The following MYOF variants were observed in gnomAD, a reference collection of about 807,000 sequenced individuals.
MYOF encodes myoferlin.
Under a neutral mutation model 284.2 loss-of-function variants are expected in MYOF, and 244 were observed. The ratio of observed to expected loss-of-function variants is 0.86; its 90% CI spans 0.77 to 0.95. The LOEUF (loss-of-function observed/expected upper bound fraction) is 0.95. Ranked by LOEUF, MYOF falls within the 40% of genes least tolerant of loss-of-function variation. The pLI, the probability that MYOF is intolerant of heterozygous loss-of-function variation, is 0.00. For missense variants in MYOF, 2,496 were observed against 2,560.6 expected (o/e 0.97, Z 0.54); for synonymous variants, 904 against 919.7 (o/e 0.98, Z 0.31).
intron 5 of MYOF, among the ~76,000 whole-genome samples, chr10:93,414,307 C>T (rs939685815): frequency 2.6e-5 from 4 of 152,076 alleles, no homozygotes; most frequent in Non-Finnish European, 4.4e-5. Context: ...GAGGCTGAGG[C>T]GGGTGGATCA....
intron 7 of MYOF, 143 bp from the exon 8 acceptor site, chr10:93,404,362 G>C: frequency 1.3e-6 from 1 of 785,630 alleles, no homozygotes; most frequent in Non-Finnish European, 2.1e-6. Context: ...ACATGGCAAG[G>C]CCTGGAGTTT....
Position 93,335,948 on chromosome 10 carries a change from T to G in MYOF, c.4536A>C (p.Glu1512Asp). 1 of 1,614,210 alleles carries G rather than the reference T, an allele frequency of 6.2e-7. No individual in the cohort carries two copies. Among genetic ancestry groups the G allele is most frequent in the Non-Finnish European group, 8.5e-7 (1 of 1,180,040 alleles). ...KLYRGKSDEN[E>D]DPSVVGEFKG... is the part of the protein sequence containing the mutation. The stretch of plus-strand genomic sequence containing the variant: ...TAAACTCTCCAACCACAGAAGGATC[T>G]TCATTTTCATCCGACTTGCCTCGGT... Residue 1512 changes from glutamate (E) to aspartate (D), a missense_variant, in exon 41 of 54, where the codon GAA (glutamate) becomes GAC (aspartate). Glu to Asp is a conservative substitution (Grantham distance 45). Transcript: ENST00000359263.
At chr10:93,370,311 CTAATTT>C (rs1048361990) in intron 24 of MYOF, among the ~76,000 whole-genome samples, 2 of 108,262 alleles carry the variant, frequency 1.8e-5, no homozygotes, top group African/African-American at 1.1e-4. Flanking sequence ...GTAATGATTA[CTAATTT>C]TTTTTTTTTT....
Position 93,351,756 on chromosome 10 carries a change from A to G in MYOF, c.3572T>C (p.Ile1191Thr), listed in dbSNP as rs1333977636. ...TLNPTWDQTI[I>T]FDEVEIYGEP... The stretch of plus-strand genomic sequence containing the variant: ...CCCATAGATTTCAACTTCATCGAAT[A>G]TAATTGTTTGGTCCCACGTGGGATT... Residue 1191 changes from isoleucine (I) to threonine (T), a missense_variant, in exon 33 of 54, where the codon ATA (isoleucine) becomes ACA (threonine). Physicochemically the swap from Ile to Thr is moderately conservative, Grantham distance 89. Coordinates refer to ENST00000359263, the MANE Select transcript of MYOF (RefSeq NM_013451.4). 3.7e-6 allele frequency: 6 copies of G among 1,600,632 alleles called. No homozygotes were observed. Among genetic ancestry groups the G allele is most frequent in the Non-Finnish European group, 3.4e-6 (4 of 1,176,908 alleles).
intron 1 of MYOF, among the ~76,000 whole-genome samples, chr10:93,477,251 G>A (rs1429874178): frequency 6.6e-6 from 1 of 152,122 alleles, no homozygotes; most frequent in Non-Finnish European, 1.5e-5. Flanking sequence ...CAGCACTTTG[G>A]GAGGCCGAGG....
chr10:93,333,816 G>C lies in MYOF; in HGVS notation c.4661C>G (p.Thr1554Arg). ...ELPDSVPQECTVRIYIVRGLE... is the reference protein window; with the variant it reads ...ELPDSVPQECRVRIYIVRGLE... Reference sequence around the variant, plus strand: ...GCCTCGAACAATGTAAATCCTAACCGTGCATTCCTGTGGGACGCTGTCAGG... The same window carrying C: ...GCCTCGAACAATGTAAATCCTAACCCTGCATTCCTGTGGGACGCTGTCAGG... The change falls in exon 42 of 54, where the codon ACG becomes AGG. Residue 1554 changes from threonine to arginine, a missense_variant. By Grantham distance (71) the Thr-to-Arg change is moderately conservative. Coordinates refer to ENST00000359263, the MANE Select transcript of MYOF (RefSeq NM_013451.4). The C allele has an allele frequency of 1.9e-6, 3 of 1,614,082 alleles. No individual in the cohort carries two copies. The highest frequency in any genetic ancestry group is 2.5e-6 in the Non-Finnish European group (3 of 1,180,010).
At chr10:93,413,915 C>A (rs1324381463) in intron 5 of MYOF, among the ~76,000 whole-genome samples, 1 of 152,018 alleles carries the variant, frequency 6.6e-6, no homozygotes. Flanking sequence ...ACCATCTGAG[C>A]CCAGGAGGTC....
chr10:93,391,437 C>CA (rs1051900089), intron 17 of MYOF, among the ~76,000 whole-genome samples: 32 of 151,618 alleles, frequency 2.1e-4, no homozygotes, highest in Admixed American at 3.9e-4. Flanking sequence ...ACTAAAAACA[C>CA]AAAAAAAATT....
chr10:93,323,349 G>GAAGT lies in MYOF; in HGVS notation c.5277_5280dup (p.Gln1761ThrfsTer55). ...TTGGGGAAAACATCCACCCACATCT[G>GAAGT]AAGTTTTCCCTAAACCATTTGAAAA... On this transcript the variant is annotated frameshift_variant, in exon 47 of 54. Transcript: ENST00000359263. LOFTEE classifies it high-confidence loss of function. The GAAGT allele has an allele frequency of 1.9e-6, 3 of 1,611,142 alleles. No individual in the cohort carries two copies. Among genetic ancestry groups the GAAGT allele is most frequent in the South Asian group, 1.1e-5 (1 of 90,950 alleles).
intron 44 of MYOF, 110 bp from the exon 45 acceptor site, chr10:93,329,021 A>G: frequency 9.4e-7 from 1 of 1,068,732 alleles, no homozygotes; most frequent in African/African-American, 1.6e-5. Flanking sequence ...GTGGGTGCAG[A>G]AAATCTGCGC....
chr10:93,347,826 G>A (rs374828512), intron 36 of MYOF, 44 bp from the exon 37 acceptor site: 65 of 1,572,778 alleles, frequency 4.1e-5, no homozygotes, highest in Non-Finnish European at 5.5e-5. Flanking sequence ...GACCAGACGA[G>A]GGCAGCTTTG....
At chr10:93,308,743 ACTT>A (rs1399655857) in intron 53 of MYOF, among the ~76,000 whole-genome samples, 1 of 151,682 alleles carries the variant, frequency 6.6e-6, no homozygotes, top group Admixed American at 6.6e-5. Context: ...ACAGAGTCTC[ACTT>A]CTTCATCCAG....
intron 5 of MYOF, among the ~76,000 whole-genome samples, chr10:93,422,281 G>A (rs934978877): frequency 1.3e-5 from 2 of 152,196 alleles, no homozygotes; most frequent in African/African-American, 2.4e-5. Flanking sequence ...TCTTAGCTGA[G>A]CAAAGTCAGG....
At chr10:93,333,130 A>G in intron 43 of MYOF, 91 bp downstream of exon 43, 1 of 1,052,962 alleles carries the variant, frequency 9.5e-7, no homozygotes, top group South Asian at 1.3e-5. Context: ...ACAGTTTCAG[A>G]GCCTAGGACA....
In MYOF at chr10:93,323,161, A is replaced by C. The variant is rs368272607; in HGVS notation, c.5373T>G (p.Arg1791=). 2.1e-4 allele frequency: 345 copies of C among 1,614,110 alleles called. 2 individuals are homozygous for C. In the South Asian group the frequency reaches 3.5e-3, roughly 16 times the overall value. The change falls in exon 48 of 54, where the codon CGT becomes CGG. Residue 1791 remains arginine (R), a synonymous_variant. Coordinates refer to ENST00000359263, the MANE Select transcript of MYOF (RefSeq NM_013451.4). The stretch of plus-strand genomic sequence containing the variant: ...CGTCCTTGGTGTTCCAGATGATCAC[A>C]CGCAGGTAGTATCTGCAAGAAGCAC... ...TPRKAKKYYL[R]VIIWNTKDVI...
rs536124742 is a variant in MYOF, at chr10:93,349,733, T to TTGTG, written c.4083+71_4083+74dup. The TTGTG allele has an allele frequency of 9.0e-6, 13 of 1,439,716 alleles. No individual in the cohort carries two copies. In the East Asian group the frequency reaches 9.3e-5, roughly 10 times the overall value. 89.2% of individuals were successfully genotyped at this position (1,439,716 alleles called of 1,614,324 possible). ...CAGGTTTTGGAAATAAACTCTGTGTTTGTGTGTGTGTGTGTGAGGCACATA... is the reference window on the plus strand; with the variant it reads ...CAGGTTTTGGAAATAAACTCTGTGTTTGTGTGTGTGTGTGTGTGTGAGGCACATA... On this transcript the variant is annotated intron_variant, in intron 36 of 53. Coordinates refer to ENST00000359263, the MANE Select transcript of MYOF (RefSeq NM_013451.4).
chr10:93,401,028 A>AT (rs199873918), intron 12 of MYOF, among the ~76,000 whole-genome samples: 7,704 of 148,656 alleles, frequency 0.052, 228 homozygotes, highest in Middle Eastern at 0.079. Context: ...AATTTCTGCT[A>AT]TTTTTTTTTT....
chr10:93,356,918 T>A (rs1451749433), intron 29 of MYOF, 70 bp from the exon 30 acceptor site: 2 of 1,430,374 alleles, frequency 1.4e-6, no homozygotes, highest in African/African-American at 2.9e-5. Context: ...ATAAAACAGG[T>A]TATATGATCA....
chr10:93,402,107 A>G (rs1177546249), intron 11 of MYOF, 125 bp downstream of exon 11: 1 of 703,496 alleles, frequency 1.4e-6, no homozygotes, highest in African/African-American at 1.8e-5. Flanking sequence ...TCTGAAGAAT[A>G]GGGGGAATCT....
Sources: gnomAD v4.1 joint callset for allele counts (sites outside exome capture counted in the v4.1 genomes callset) on GRCh38, gnomAD v4.1.1 for gene constraint, MANE v1.5 for transcripts, NCBI Gene and HGNC (gene_info 2026-07-23, HGNC 2026-07-21) for gene names.